The following CRYAB variants were observed in gnomAD, a reference collection of about 807,000 sequenced individuals.
CRYAB encodes the protein crystallin alpha B.
Under a neutral mutation model 12.7 loss-of-function variants are expected in CRYAB, and 9 were observed. The observed-to-expected ratio is 0.71, with a 90% CI of 0.43 to 1.24. The LOEUF is 1.24. Ranked by LOEUF, CRYAB falls within the 50% of genes most tolerant of loss-of-function variation. The pLI is 0.00. For missense variants in CRYAB, 183 were observed against 226.6 expected, an observed-to-expected ratio of 0.81 and a Z score of 1.24; for synonymous variants, 93 against 86.8, an observed-to-expected ratio of 1.07 and a Z score of -0.40.
At chr11:111,919,137 G>A (rs1592516775) in intron 1 of CRYAB, 1 of 997,808 alleles carries the variant, frequency 1.0e-6, no homozygotes, top group African/African-American at 1.6e-5. Context: ...GTACCTCCTT[G>A]TTCCAACACC....
chr11:111,917,076 T>C (rs1965606465), upstream of CRYAB, among the ~76,000 whole-genome samples: 2 of 152,214 alleles, frequency 1.3e-5, no homozygotes, highest in African/African-American at 2.4e-5. Flanking sequence ...ATTGCCCAGG[T>C]TGATCTTGAA....
chr11:111,908,858 A>G lies in CRYAB; in HGVS notation c.434T>C (p.Val145Ala). ...AGAGACCTGTTTCCTTGGTCCATTC[A>G]CAGTGAGGACCCCATCAGATGACAG... ...SSLSSDGVLT[V>A]NGPRKQVSGP... The change falls in exon 3 of 3, where the codon GTG (valine) becomes GCG (alanine). Residue 145 changes from valine (V) to alanine (A), a missense_variant. By Grantham distance (64) the Val-to-Ala change is moderately conservative. Coordinates refer to ENST00000650687, the MANE Select transcript of CRYAB (RefSeq NM_001289808.2). The G allele has an allele frequency of 6.2e-7, 1 of 1,614,132 alleles. No homozygotes were observed.
chr11:111,910,358 A>C lies in CRYAB; in HGVS notation c.293T>G (p.Ile98Ser). The change falls in exon 2 of 3, where the codon ATT (isoleucine) becomes AGT (serine). Residue 98 changes from isoleucine to serine, a missense_variant. By Grantham distance (142) the Ile-to-Ser change is moderately radical (BLOSUM62 -2). Around this residue, in one of 3 missense-constraint regions of CRYAB, gnomAD observed 95 missense variants for 112.5 expected, o/e 0.84. Coordinates refer to ENST00000650687, the MANE Select transcript of CRYAB (RefSeq NM_001289808.2). Reference sequence around the variant, plus strand: ...CTCTTCATGTTTTCCATGCACCTCAATCACATCTCCCAACACCTTAACTTT... The same window carrying C: ...CTCTTCATGTTTTCCATGCACCTCACTCACATCTCCCAACACCTTAACTTT... ...ELKVKVLGDV[I>S]EVHGKHEERQ... 1 of 1,614,238 alleles carries C rather than the reference A, an allele frequency of 6.2e-7. No individual in the cohort carries two copies. The highest frequency in any genetic ancestry group is 8.5e-7 in the Non-Finnish European group (1 of 1,180,030).
chr11:111,913,732 C>T (rs1555165898), upstream of CRYAB: 1 of 1,614,112 alleles, frequency 6.2e-7, no homozygotes, highest in Non-Finnish European at 8.5e-7. Context: ...GATGTCGACC[C>T]CTGGCGAGTC....
At chr11:111,916,674 C>T (rs1487721713), upstream of CRYAB, among the ~76,000 whole-genome samples, 2 of 152,222 alleles carry the variant, frequency 1.3e-5, no homozygotes, top group African/African-American at 4.8e-5. Context: ...TTGACTGGTA[C>T]AGACTTCAGT....
At chr11:111,909,343 C>A in intron 2 of CRYAB, 1 of 414,352 alleles carries the variant, frequency 2.4e-6, no homozygotes, top group South Asian at 1.8e-5. Flanking sequence ...CAGGAATGTC[C>A]CAGAAGGTTC....
intron 1 of CRYAB, among the ~76,000 whole-genome samples, chr11:111,922,736 A>G (rs1247921338): frequency 6.6e-6 from 1 of 152,140 alleles, no homozygotes; most frequent in Non-Finnish European, 1.5e-5. Context: ...ATTTTTTGCA[A>G]TTTAAATAAT....
chr11:111,914,091 G>A (rs1046582766), upstream of CRYAB: 4 of 597,142 alleles, frequency 6.7e-6, no homozygotes, highest in Non-Finnish European at 8.8e-6. Flanking sequence ...CAAATCTCAG[G>A]GCCTTGTTTG....
At position 111,920,581 on chromosome 11, in the gene CRYAB, T is replaced by C. The variant is rs983302658; in HGVS notation, c.-199+3122A>G. 8.8e-5 allele frequency among the ~76,000 whole-genome samples: 13 copies of C among 148,490 alleles called. No homozygotes were observed. In the Middle Eastern group the frequency reaches 0.011, roughly 124 times the overall value. ...GAGTTTGAGACCAGCCTGGGCAACA[T>C]AGGGTGGCCCCATCTCTACAAAAAA... On this transcript the variant is annotated intron_variant, in intron 1 of 3. Coordinates refer to the CRYAB transcript ENST00000527950.
Position 111,910,295 on chromosome 11 carries a change from A to G in CRYAB, c.324+32T>C, listed in dbSNP as rs782400454. 4 of 1,613,758 alleles carry G rather than the reference A, an allele frequency of 2.5e-6. No homozygotes were observed. In the Admixed American group the frequency reaches 6.7e-5, roughly 27 times the overall value. ...GACTATTACAGTATGCACTGAATGA[A>G]TGAGCAGAAAACAAAAAAACAAGCT... On this transcript the variant is annotated intron_variant, in intron 2 of 2. Transcript: ENST00000650687.
chr11:111,914,621 C>T (rs587772338), upstream of CRYAB, among the ~76,000 whole-genome samples: 29 of 152,324 alleles, frequency 1.9e-4, no homozygotes, highest in African/African-American at 5.1e-4. Context: ...TCTGGGGGTA[C>T]GGTGTATTCA....
upstream of CRYAB, chr11:111,913,369 G>A (rs782498365): frequency 1.3e-5 from 16 of 1,206,600 alleles, no homozygotes; most frequent in Non-Finnish European, 1.8e-5. Context: ...CTCCTCTCCA[G>A]ATTTCCCATT....
At chr11:111,914,033 G>T (rs1965557337), upstream of CRYAB, 1 of 787,450 alleles carries the variant, frequency 1.3e-6, no homozygotes, top group Admixed American at 2.9e-5. Context: ...TTGGTCCCAT[G>T]GGACATGTCA....
At chr11:111,909,015 T>C in intron 2 of CRYAB, 48 bp from the exon 3 acceptor site, 1 of 1,593,000 alleles carries the variant, frequency 6.3e-7, no homozygotes, top group Non-Finnish European at 8.6e-7. Context: ...GAACAGGAAC[T>C]ATTATCACCT....
chr11:111,908,789 G>C lies in CRYAB; in HGVS notation c.503C>G (p.Ala168Gly), dbSNP rs2137378339. 4 of 1,613,088 alleles carry C rather than the reference G, an allele frequency of 2.5e-6. No individual in the cohort carries two copies. The highest frequency in any genetic ancestry group is 3.4e-6 in the Non-Finnish European group (4 of 1,180,014). The change falls in exon 3 of 3, where the codon GCT becomes GGT. Residue 168 changes from alanine to glycine, a missense_variant. By Grantham distance (60) the Ala-to-Gly change is moderately conservative. Transcript: ENST00000650687. Reference protein sequence around the residue: ...TIPITREEKPAVTAAPKK With the variant: ...TIPITREEKPGVTAAPKK ...CTATTTCTTGGGGGCTGCGGTGACA[G>C]CAGGCTTCTCTTCACGGGTGATGGG...
intron 2 of CRYAB, chr11:111,909,365 G>A (rs1258024760): frequency 2.8e-6 from 1 of 355,422 alleles, no homozygotes; most frequent in Non-Finnish European, 5.4e-6. Flanking sequence ...AGAACAATAG[G>A]ACTGCTGCTG....
intron 1 of CRYAB, chr11:111,918,777 G>C (rs1965637014): frequency 4.3e-6 from 3 of 697,186 alleles, no homozygotes; most frequent in Non-Finnish European, 8.0e-6. Context: ...CCCGTGTGTT[G>C]TTCTACCCTT....
At chr11:111,922,437 T>G (rs782617368) in intron 1 of CRYAB, among the ~76,000 whole-genome samples, 9 of 152,218 alleles carry the variant, frequency 5.9e-5, no homozygotes, top group Non-Finnish European at 1.0e-4. Context: ...AAGGTAATAA[T>G]CATTCATTGC....
upstream of CRYAB, among the ~76,000 whole-genome samples, chr11:111,917,644 AT>A (rs199865692): frequency 4.7e-5 from 7 of 150,342 alleles, no homozygotes; most frequent in African/African-American, 1.7e-4. Flanking sequence ...TCTCACATTA[AT>A]TTAAAAAAAA....
Sources: gnomAD v4.1 joint callset for allele counts (sites outside exome capture counted in the v4.1 genomes callset) on GRCh38, gnomAD v4.1.1 for gene constraint, gnomAD v4.1.1 regional missense constraint, MANE v1.5 for transcripts, NCBI Gene and HGNC (gene_info 2026-07-23, HGNC 2026-07-21) for gene names.